The following EBF2 variants were observed in gnomAD, a reference collection of about 807,000 sequenced individuals.
EBF2 encodes the protein transcription factor COE2.
EBF2 carries 21 observed loss-of-function variants against 72.8 expected under a neutral mutation model. That is an observed-to-expected ratio of 0.29 (90% CI 0.20 to 0.42). EBF2 has a LOEUF of 0.42. Among genes scored for constraint, EBF2 ranks in the 10% least tolerant of loss-of-function variants. EBF2 has a pLI of 1.00. For synonymous variants in EBF2, 299 were observed against 274.2 expected, an observed-to-expected ratio of 1.09 and a Z score of -0.89; for missense variants, 637 against 731.2, an observed-to-expected ratio of 0.87 and a Z score of 1.49.
chr8:25,995,513 T>C (rs1255892755), intron 6 of EBF2, among the ~76,000 whole-genome samples: 1 of 152,160 alleles, frequency 6.6e-6, no homozygotes, highest in African/African-American at 2.4e-5. Flanking sequence ...GAATAAAATA[T>C]TCATGTTAGA....
chr8:25,986,388 A>T (rs189740167), intron 6 of EBF2, among the ~76,000 whole-genome samples: 1 of 152,176 alleles, frequency 6.6e-6, no homozygotes. Flanking sequence ...ATGTGGAATC[A>T]CATGACTTTC....
chr8:25,903,710 C>T (rs1049380836), intron 7 of EBF2, among the ~76,000 whole-genome samples: 2 of 151,732 alleles, frequency 1.3e-5, no homozygotes, highest in African/African-American at 4.8e-5. Flanking sequence ...AACAAACAAA[C>T]AAACAAACAA....
chr8:25,846,534 A>G (rs1415712327), intron 15 of EBF2, among the ~76,000 whole-genome samples: 5 of 152,142 alleles, frequency 3.3e-5, no homozygotes, highest in Admixed American at 3.3e-4. Flanking sequence ...CAAAAAATAC[A>G]AAACAGCCCA....
In EBF2 at chr8:26,039,915, T is replaced by C. The variant is rs948860348; in HGVS notation, c.482+113A>G. The C allele has an allele frequency of 7.0e-5, 80 of 1,135,780 alleles. 2 individuals are homozygous for C. In the East Asian group the frequency reaches 8.8e-4, roughly 12 times the overall value. The allele number at this position is 1,135,780 out of a possible 1,614,324, so 70.4% of individuals were successfully genotyped here. A position where few individuals can be genotyped will look rare whatever the true frequency, so the allele number is the denominator to read the frequency against. ...TCTGCGCCCGTCTGCCCGCGAGGCCTCCCAGCTGCGAGCGCTCAGTCCTGA... is the reference window on the plus strand; with the variant it reads ...TCTGCGCCCGTCTGCCCGCGAGGCCCCCCAGCTGCGAGCGCTCAGTCCTGA... On this transcript the variant is annotated intron_variant, in intron 5 of 15. Transcript: ENST00000520164.
chr8:25,848,557 T>C (rs550279564), intron 15 of EBF2, among the ~76,000 whole-genome samples: 3 of 151,650 alleles, frequency 2.0e-5, no homozygotes, highest in African/African-American at 4.8e-5. Flanking sequence ...GCCCTGGGAG[T>C]CTGTAAGAAA....
intron 5 of EBF2, among the ~76,000 whole-genome samples, chr8:26,035,580 G>A (rs1232334262): frequency 2.0e-5 from 3 of 152,108 alleles, no homozygotes; most frequent in Admixed American, 2.0e-4. Flanking sequence ...ATTCGCAAGT[G>A]AGTAAGTCTA....
At chr8:26,004,006 G>A (rs906506339) in intron 6 of EBF2, among the ~76,000 whole-genome samples, 1 of 151,830 alleles carries the variant, frequency 6.6e-6, no homozygotes, top group East Asian at 1.9e-4. Context: ...TAGGAGAGGC[G>A]TTGTCCTTCC....
chr8:25,855,278 G>C (rs1372839614), intron 14 of EBF2, among the ~76,000 whole-genome samples: 1 of 152,094 alleles, frequency 6.6e-6, no homozygotes, highest in Non-Finnish European at 1.5e-5. Context: ...TAAGGGGTCT[G>C]TCAGCATTTC....
intron 7 of EBF2, among the ~76,000 whole-genome samples, chr8:25,893,307 C>T (rs1466986717): frequency 1.7e-4 from 20 of 118,530 alleles, no homozygotes; most frequent in African/African-American, 3.5e-4. Context: ...TTTGAGACAG[C>T]GTCTTGCTCT....
intron 6 of EBF2, among the ~76,000 whole-genome samples, chr8:25,971,379 T>C (rs780398028): frequency 4.6e-5 from 7 of 152,178 alleles, no homozygotes; most frequent in Non-Finnish European, 8.8e-5. Context: ...GTGTTCTCTT[T>C]AATGCCCCGT....
At chr8:25,995,255 G>C (rs1016917967) in intron 6 of EBF2, among the ~76,000 whole-genome samples, 11 of 152,292 alleles carry the variant, frequency 7.2e-5, no homozygotes, top group African/African-American at 2.6e-4. Flanking sequence ...GCAGTGAGCT[G>C]AGATCGCACC....
chr8:26,008,012 C>A (rs918258212), intron 6 of EBF2, among the ~76,000 whole-genome samples: 1 of 152,082 alleles, frequency 6.6e-6, no homozygotes. Flanking sequence ...GGGCCGTTCA[C>A]AGAGGCTAAT....
intron 6 of EBF2, among the ~76,000 whole-genome samples, chr8:25,944,781 A>G (rs555704460): frequency 2.7e-5 from 4 of 148,914 alleles, no homozygotes; most frequent in Non-Finnish European, 5.9e-5. Context: ...TATTGTGTAT[A>G]TAATTATACA....
intron 10 of EBF2, among the ~76,000 whole-genome samples, chr8:25,877,689 G>A (rs533473740): frequency 6.6e-6 from 1 of 152,144 alleles, no homozygotes; most frequent in South Asian, 2.1e-4. Context: ...AGTGGGACAG[G>A]GGTGGAAGGA....
rs1204138662 is a variant in EBF2, at chr8:25,842,225, G to A, written c.*2384C>T. Reference sequence around the variant, plus strand: ...TGACTAACGAGGACAGGGTAGCTTTGTTTTTAATTTATTAGTACACTAAAA... The same window carrying A: ...TGACTAACGAGGACAGGGTAGCTTTATTTTTAATTTATTAGTACACTAAAA... On this transcript the variant is annotated 3_prime_UTR_variant, in exon 16 of 16. Transcript: ENST00000520164. 6.6e-6 allele frequency: 1 copy of A among 152,150 alleles called. No individual in the cohort carries two copies. Among genetic ancestry groups the A allele is most frequent in the East Asian group, 1.9e-4 (1 of 5,192 alleles). The allele number at this position is 152,150 out of a possible 1,614,324, so 9.4% of individuals were successfully genotyped here. A position where few individuals can be genotyped will look rare whatever the true frequency, so the allele number is the denominator to read the frequency against.
chr8:25,911,344 G>A (rs943723315), intron 6 of EBF2, among the ~76,000 whole-genome samples: 1 of 152,272 alleles, frequency 6.6e-6, no homozygotes, highest in African/African-American at 2.4e-5. Context: ...TGCTACACAC[G>A]ACAAAGCTTC....
At chr8:25,930,372 C>T (rs1803459613) in intron 6 of EBF2, among the ~76,000 whole-genome samples, 2 of 152,184 alleles carry the variant, frequency 1.3e-5, no homozygotes, top group African/African-American at 4.8e-5. Flanking sequence ...AGTCACTGAA[C>T]CTCTCTGAGC....
intron 14 of EBF2, among the ~76,000 whole-genome samples, chr8:25,854,063 G>A (rs1802036131): frequency 6.6e-6 from 1 of 152,064 alleles, no homozygotes; most frequent in Non-Finnish European, 1.5e-5. Context: ...GGAGAAACCA[G>A]TAAAGGCTAT....
At chr8:26,004,673 C>CAAAAAAA (rs56848916) in intron 6 of EBF2, among the ~76,000 whole-genome samples, 1 of 45,458 alleles carries the variant, frequency 2.2e-5, no homozygotes, top group Non-Finnish European at 3.7e-5. Flanking sequence ...AGACTGTCTC[C>CAAAAAAA]AAAAAAAAAA....
Sources: gnomAD v4.1 joint callset for allele counts (sites outside exome capture counted in the v4.1 genomes callset) on GRCh38, gnomAD v4.1.1 for gene constraint, MANE v1.5 for transcripts, NCBI Gene and HGNC (gene_info 2026-07-23, HGNC 2026-07-21) for gene names.